LHFPL3: variants seen among roughly 807,000 people sequenced by gnomAD.
LHFPL3 encodes the protein LHFPL tetraspan subfamily member 3, also known as LHFPL tetraspan subfamily member 3 protein.
In LHFPL3, 5 loss-of-function variants were observed where a neutral mutation model predicts 19.3. That is an observed-to-expected ratio of 0.26 (90% CI 0.14 to 0.54). LHFPL3 has a LOEUF of 0.54. Ranked by LOEUF, LHFPL3 falls within the 20% of genes least tolerant of loss-of-function variation. The probability of loss-of-function intolerance (pLI) is 0.94; values close to 1 mark genes in which losing one functional copy is unlikely to be tolerated. For missense variants in LHFPL3, 249 were observed against 307.4 expected (o/e 0.81, Z 1.42); for synonymous variants, 133 against 126.2 (o/e 1.05, Z -0.36).
chr7:104,599,692 A>G (rs895244138), intron 1 of LHFPL3, among the ~76,000 whole-genome samples: 5 of 152,220 alleles, frequency 3.3e-5, no homozygotes, highest in African/African-American at 1.2e-4. Flanking sequence ...AAGGTCTGTG[A>G]TACAGATATA....
At chr7:104,653,738 C>T (rs1792074324) in intron 1 of LHFPL3, among the ~76,000 whole-genome samples, 1 of 152,190 alleles carries the variant, frequency 6.6e-6, no homozygotes, top group South Asian at 2.1e-4. Flanking sequence ...TGACATTCCA[C>T]CTGCCTGCAG....
At chr7:104,682,695 A>C (rs1224657256) in intron 1 of LHFPL3, among the ~76,000 whole-genome samples, 1 of 152,134 alleles carries the variant, frequency 6.6e-6, no homozygotes, top group Non-Finnish European at 1.5e-5. Flanking sequence ...CCCTGCTCTA[A>C]TGTGTATTTG....
chr7:104,788,103 C>A (rs1215911352), intron 2 of LHFPL3, among the ~76,000 whole-genome samples: 5 of 152,122 alleles, frequency 3.3e-5, no homozygotes, highest in Non-Finnish European at 5.9e-5. Context: ...GAATAGAAAC[C>A]ATTTATTTCT....
chr7:104,559,878 T>TCCCA, intron 1 of LHFPL3, among the ~76,000 whole-genome samples: 1 of 142,604 alleles, frequency 7.0e-6, no homozygotes, highest in Non-Finnish European at 1.5e-5. Context: ...TTATTGAGAG[T>TCCCA]TTTTAGCATG....
rs567849115 is a variant in LHFPL3, at chr7:104,552,305, A to G, written c.446-184370A>G. Among the ~76,000 whole-genome samples the G allele has an allele frequency of 3.7e-4, 57 of 152,326 alleles. No individual in the cohort carries two copies. In the Middle Eastern group the frequency reaches 0.01, roughly 27 times the overall value. On this transcript the variant is annotated intron_variant, in intron 1 of 2. Transcript: ENST00000424859. The stretch of plus-strand genomic sequence containing the variant: ...GACTGGGTTTAGACGTGTCAGCACC[A>G]TGGACAGCTCAACGTGAGCAGGAAT...
At chr7:104,739,981 G>A (rs1333305037) in intron 2 of LHFPL3, among the ~76,000 whole-genome samples, 3 of 152,118 alleles carry the variant, frequency 2.0e-5, no homozygotes, top group Admixed American at 6.5e-5. Flanking sequence ...TCCACGTGTT[G>A]GGAAAGGGAC....
chr7:104,677,744 G>A (rs557230576), intron 1 of LHFPL3, among the ~76,000 whole-genome samples: 1 of 152,304 alleles, frequency 6.6e-6, no homozygotes, highest in Admixed American at 6.5e-5. Context: ...TTGCAACATA[G>A]TTAGTACAAC....
chr7:104,487,760 G>C (rs2115680073), intron 1 of LHFPL3, among the ~76,000 whole-genome samples: 1 of 152,264 alleles, frequency 6.6e-6, no homozygotes, highest in South Asian at 2.1e-4. Flanking sequence ...ATCACTTTCT[G>C]AATCCTTGCA....
chr7:104,561,205 T>G (rs541515814), intron 1 of LHFPL3, among the ~76,000 whole-genome samples: 12,844 of 147,118 alleles, frequency 0.087, 1,202 homozygotes, highest in African/African-American at 0.25. Context: ...GGTCCGCTTG[T>G]TGCAGAGCTG....
intron 1 of LHFPL3, among the ~76,000 whole-genome samples, chr7:104,728,995 C>G (rs765341807): frequency 1.3e-5 from 2 of 152,086 alleles, no homozygotes; most frequent in Non-Finnish European, 2.9e-5. Flanking sequence ...GGCTACTTTT[C>G]TTTTTTAATT....
chr7:104,869,754 G>A (rs1249108173), intron 2 of LHFPL3, among the ~76,000 whole-genome samples: 1 of 152,190 alleles, frequency 6.6e-6, no homozygotes, highest in Non-Finnish European at 1.5e-5. Context: ...CATACCCAGA[G>A]GATTATAAAT....
intron 1 of LHFPL3, among the ~76,000 whole-genome samples, chr7:104,444,908 A>C (rs1792298343): frequency 6.6e-6 from 1 of 152,110 alleles, no homozygotes; most frequent in African/African-American, 2.4e-5. Context: ...GAATCGCTTG[A>C]ACCTGGGAGG....
chr7:104,798,324 AG>A (rs1790172998), intron 2 of LHFPL3: 1 of 152,254 alleles, frequency 6.6e-6, no homozygotes, highest in Non-Finnish European at 1.5e-5. Flanking sequence ...AGAAATGTGG[AG>A]AAAAAAGTTA....
At chr7:104,433,077 A>G (rs1269834773) in intron 1 of LHFPL3, among the ~76,000 whole-genome samples, 1 of 152,220 alleles carries the variant, frequency 6.6e-6, no homozygotes, top group Admixed American at 6.5e-5. Flanking sequence ...ATATATAGAC[A>G]TGTATTTTTA....
At chr7:104,780,375 C>T (rs1794698776) in intron 2 of LHFPL3, among the ~76,000 whole-genome samples, 1 of 152,162 alleles carries the variant, frequency 6.6e-6, no homozygotes, top group East Asian at 1.9e-4. Context: ...TTTCTCTCTG[C>T]CTCTTTCCCT....
intron 1 of LHFPL3, among the ~76,000 whole-genome samples, chr7:104,561,169 G>A (rs1205270480): frequency 6.6e-6 from 1 of 151,984 alleles, no homozygotes; most frequent in African/African-American, 2.4e-5. Flanking sequence ...TTGATTTGGG[G>A]TGGAGAGTTC....
At chr7:104,830,273 T>C (rs1195642440) in intron 2 of LHFPL3, among the ~76,000 whole-genome samples, 1 of 151,894 alleles carries the variant, frequency 6.6e-6, no homozygotes, top group Non-Finnish European at 1.5e-5. Flanking sequence ...TTCTCCCATT[T>C]TGTAGGTTGC....
At chr7:104,492,732 C>T (rs1264715558) in intron 1 of LHFPL3, among the ~76,000 whole-genome samples, 1 of 152,236 alleles carries the variant, frequency 6.6e-6, no homozygotes, top group Non-Finnish European at 1.5e-5. Flanking sequence ...TAACAGTCCT[C>T]AAATTCCTTG....
intron 2 of LHFPL3, among the ~76,000 whole-genome samples, chr7:104,766,167 G>T (rs1472783073): frequency 6.6e-6 from 1 of 152,200 alleles, no homozygotes; most frequent in Admixed American, 6.5e-5. Context: ...AGCTTTGTTG[G>T]TATCTTGGCT....
Sources: gnomAD v4.1 joint callset for allele counts (sites outside exome capture counted in the v4.1 genomes callset) on GRCh38, gnomAD v4.1.1 for gene constraint, MANE v1.5 for transcripts, NCBI Gene and HGNC (gene_info 2026-07-23, HGNC 2026-07-21) for gene names.